Variants in ZMYM4 observed in about 807,000 individuals in gnomAD.
The protein encoded by ZMYM4 is zinc finger MYM-type protein 4.
A neutral mutation model predicts 183.2 loss-of-function variants in ZMYM4; 31 were observed. The observed-to-expected ratio is 0.17, with a 90% CI of 0.13 to 0.23. The LOEUF is 0.23. ZMYM4 is among the 10% of genes least tolerant of loss of function. ZMYM4 has a pLI of 1.00. For synonymous variants in ZMYM4, 592 were observed against 631.2 expected (o/e 0.94, Z 0.93); for missense variants, 1,273 against 1,840.3 (o/e 0.69, Z 5.64).
chr1:35,412,980 G>A (rs1639974748), intron 26 of ZMYM4, among the ~76,000 whole-genome samples: 1 of 152,008 alleles, frequency 6.6e-6, no homozygotes, highest in South Asian at 2.1e-4. Context: ...ATTACATGCT[G>A]CCTTGGATTC....
intron 1 of ZMYM4, among the ~76,000 whole-genome samples, chr1:35,286,582 C>T (rs909280115): frequency 1.3e-5 from 2 of 149,906 alleles, no homozygotes; most frequent in African/African-American, 4.9e-5. Context: ...GCCTGCCTGC[C>T]TCTGTCTGCC....
chr1:35,338,190 A>G (rs750527306), intron 2 of ZMYM4, among the ~76,000 whole-genome samples: 6 of 152,138 alleles, frequency 3.9e-5, no homozygotes, highest in African/African-American at 4.8e-5. Context: ...TGTAGGGTAT[A>G]TTTGAGGAGG....
intron 9 of ZMYM4, 124 bp downstream of exon 9, chr1:35,381,882 C>T: frequency 1.7e-6 from 2 of 1,185,214 alleles, no homozygotes; most frequent in Non-Finnish European, 2.3e-6. Context: ...CCATGGCTCA[C>T]ACCTGTAATC....
chr1:35,306,586 A>G (rs766575515), intron 1 of ZMYM4, among the ~76,000 whole-genome samples: 6 of 152,138 alleles, frequency 3.9e-5, no homozygotes, highest in Non-Finnish European at 7.4e-5. Context: ...GATCTTTTAA[A>G]TTCTTTAATC....
chr1:35,306,420 T>C (rs1178537499), intron 1 of ZMYM4, among the ~76,000 whole-genome samples: 1 of 152,200 alleles, frequency 6.6e-6, no homozygotes, highest in Non-Finnish European at 1.5e-5. Context: ...TCATGATCCA[T>C]TGTTACCAGT....
chr1:35,376,192 TTGTC>T (rs777841604), intron 7 of ZMYM4, among the ~76,000 whole-genome samples: 1 of 152,220 alleles, frequency 6.6e-6, no homozygotes, highest in African/African-American at 2.4e-5. Context: ...AACACCCAGA[TTGTC>T]TGTACCATTT....
At chr1:35,388,642 C>G (rs1384630623) in intron 13 of ZMYM4, among the ~76,000 whole-genome samples, 3 of 152,172 alleles carry the variant, frequency 2.0e-5, no homozygotes, top group Non-Finnish European at 4.4e-5. Context: ...TCAAGATACT[C>G]TGTGAACTGG....
chr1:35,389,805 G>T lies in ZMYM4; in HGVS notation c.2437-143G>T. 1.7e-6 allele frequency: 1 copy of T among 594,634 alleles called. No homozygotes were observed. The allele number at this position is 594,634 out of a possible 1,614,324, so 36.8% of individuals were successfully genotyped here. ...TATGTGTGTGTGTGTGTGTGTGTGT[G>T]TGTATAATCATTGATAAAGACAAAC... On this transcript the variant is annotated intron_variant, in intron 14 of 29. Coordinates refer to ENST00000314607, the MANE Select transcript of ZMYM4 (RefSeq NM_005095.3). The surrounding 1 kb of genome is among the most constrained non-coding windows in gnomAD (Gnocchi z 4.0).
In ZMYM4 at chr1:35,398,977, G is replaced by C; in HGVS notation, c.3367G>C (p.Asp1123His). Residue 1123 changes from aspartate to histidine, a missense_variant, in exon 22 of 30, where the codon GAT becomes CAT. Coordinates refer to ENST00000314607, the MANE Select transcript of ZMYM4 (RefSeq NM_005095.3). ...AAAGTCAAATGCTGTGCAAGAGGCT[G>C]ATTCAGAATTGAAGCAGTTCTCAAA... is the stretch of plus-strand genomic sequence containing the variant. Reference protein sequence around the residue: ...ALKSNAVQEADSELKQFSKGE... With the variant: ...ALKSNAVQEAHSELKQFSKGE... 2 of 1,614,146 alleles carry C rather than the reference G, an allele frequency of 1.2e-6. No individual in the cohort carries two copies. Among genetic ancestry groups the C allele is most frequent in the Non-Finnish European group, 1.7e-6 (2 of 1,180,002 alleles).
chr1:35,398,408 T>C lies in ZMYM4; in HGVS notation c.3200-5T>C, dbSNP rs753995285. 2 of 1,608,432 alleles carry C rather than the reference T, an allele frequency of 1.2e-6. No individual in the cohort carries two copies. The highest frequency in any genetic ancestry group is 1.3e-5 in the African/African-American group (1 of 74,514). On this transcript the variant is annotated splice_region_variant and splice_polypyrimidine_tract_variant and intron_variant, in intron 20 of 29. Transcript: ENST00000314607. ...AATTATTTATGTGCTTTTCTTTTTCTTTAGAGTCCCAAACTTCTGAACACG... is the reference window on the plus strand; with the variant it reads ...AATTATTTATGTGCTTTTCTTTTTCCTTAGAGTCCCAAACTTCTGAACACG...
intron 2 of ZMYM4, among the ~76,000 whole-genome samples, chr1:35,332,621 G>T (rs1292883990): frequency 6.6e-6 from 1 of 151,998 alleles, no homozygotes; most frequent in African/African-American, 2.4e-5. Context: ...CAGCCTTAAG[G>T]TCTTCTCACT....
intron 28 of ZMYM4, among the ~76,000 whole-genome samples, chr1:35,416,749 A>G (rs1640129695): frequency 6.6e-6 from 1 of 152,110 alleles, no homozygotes; most frequent in Non-Finnish European, 1.5e-5. Context: ...TTTTTAATAG[A>G]GACGGGGTTT....
chr1:35,383,098 C>T (rs1009505897), intron 9 of ZMYM4, among the ~76,000 whole-genome samples: 2 of 151,990 alleles, frequency 1.3e-5, no homozygotes, highest in East Asian at 1.9e-4. Context: ...GAGGTGTGCA[C>T]GGGATGAACT....
At chr1:35,296,843 C>CTTT (rs780202714) in intron 1 of ZMYM4, among the ~76,000 whole-genome samples, 128 of 95,586 alleles carry the variant, frequency 1.3e-3, no homozygotes, top group Middle Eastern at 6.0e-3. Flanking sequence ...TTCTTTCTTT[C>CTTT]TTTTTTTTTT....
chr1:35,323,268 C>T (rs1268211012), intron 1 of ZMYM4, among the ~76,000 whole-genome samples: 1 of 152,158 alleles, frequency 6.6e-6, no homozygotes, highest in South Asian at 2.1e-4. Context: ...TCCCAGAGTG[C>T]TGGGATTACA....
At chr1:35,331,791 AAAATACAT>A (rs1553168582) in intron 2 of ZMYM4, among the ~76,000 whole-genome samples, 18 of 84,476 alleles carry the variant, frequency 2.1e-4, no homozygotes, top group East Asian at 9.4e-4. Context: ...CTCCATCTCA[AAAATACAT>A]AAATAAATAA....
intron 1 of ZMYM4, among the ~76,000 whole-genome samples, chr1:35,307,563 C>G (rs1167019960): frequency 2.1e-5 from 3 of 144,380 alleles, no homozygotes; most frequent in Admixed American, 7.0e-5. Flanking sequence ...GAGACAGAGT[C>G]TTGCTCTGTC....
intron 7 of ZMYM4, among the ~76,000 whole-genome samples, chr1:35,371,719 A>G (rs949353998): frequency 2.0e-5 from 3 of 152,218 alleles, no homozygotes; most frequent in Non-Finnish European, 4.4e-5. Flanking sequence ...GAGAGGAGAA[A>G]AAGATACTCC....
At chr1:35,380,314 TTTTA>T (rs546105626) in intron 7 of ZMYM4, among the ~76,000 whole-genome samples, 20 of 151,306 alleles carry the variant, frequency 1.3e-4, no homozygotes, top group South Asian at 4.2e-4. Context: ...TATTTATTTA[TTTTA>T]TTTATTTATT....
Sources: allele counts gnomAD v4.1 joint callset (sites outside exome capture counted in the v4.1 genomes callset), GRCh38; gene constraint gnomAD v4.1.1; non-coding constraint Gnocchi (gnomAD v3.1); transcripts MANE v1.5; gene names NCBI Gene and HGNC (gene_info 2026-07-23, HGNC 2026-07-21).